SGCZ: variants seen among roughly 807,000 people sequenced by gnomAD.
SGCZ encodes zeta-sarcoglycan.
In SGCZ, 40 loss-of-function variants were observed where a neutral mutation model predicts 41.3. The observed-to-expected ratio is 0.97, with a 90% CI of 0.75 to 1.26. The LOEUF is 1.26. Ranked by LOEUF, SGCZ falls within the 50% of genes most tolerant of loss-of-function variation. The probability of loss-of-function intolerance (pLI) is 0.00; values close to 1 mark genes in which losing one functional copy is unlikely to be tolerated. For synonymous variants in SGCZ, 206 were observed against 137.5 expected (o/e 1.50, Z -3.49); for missense variants, 552 against 369.8 (o/e 1.49, Z -4.04).
intron 2 of SGCZ, among the ~76,000 whole-genome samples, chr8:14,551,635 T>C (rs1337543135): frequency 2.3e-5 from 2 of 86,312 alleles, no homozygotes; most frequent in African/African-American, 5.3e-5. Flanking sequence ...ATATATATTA[T>C]ATATATATAA....
chr8:14,580,270 T>A lies in SGCZ; in HGVS notation c.40-25344A>T, dbSNP rs138335291. Among the ~76,000 whole-genome samples, 6 of 152,320 alleles carry A rather than the reference T, an allele frequency of 3.9e-5. No individual in the cohort carries two copies. The East Asian group carries it at 1.2e-3, about 29-fold the overall frequency. On this transcript the variant is annotated intron_variant, in intron 1 of 7. Transcript: ENST00000382080. Reference sequence around the variant, plus strand: ...ATCTTAGCTATCACGATAATTTTGATTATCAGTGCTAAAATAAATTGTAGA... The same window carrying A: ...ATCTTAGCTATCACGATAATTTTGAATATCAGTGCTAAAATAAATTGTAGA...
chr8:14,470,029 C>G (rs993280142), intron 2 of SGCZ, among the ~76,000 whole-genome samples: 31 of 152,096 alleles, frequency 2.0e-4, no homozygotes, highest in Non-Finnish European at 4.4e-5. Flanking sequence ...CTGGGTTGGT[C>G]AGAAGTTCTA....
At chr8:15,144,350 G>A (rs1266107959) in intron 1 of SGCZ, among the ~76,000 whole-genome samples, 1 of 152,070 alleles carries the variant, frequency 6.6e-6, no homozygotes, top group Non-Finnish European at 1.5e-5. Context: ...TGTACCTCAG[G>A]TTGACCTATT....
At chr8:14,896,781 T>A (rs1805216224) in intron 1 of SGCZ, among the ~76,000 whole-genome samples, 1 of 146,246 alleles carries the variant, frequency 6.8e-6, no homozygotes. Context: ...CTGGCTGACT[T>A]TTTTTTTCTT....
At chr8:14,235,163 G>T (rs569490656) in intron 4 of SGCZ, among the ~76,000 whole-genome samples, 1 of 152,046 alleles carries the variant, frequency 6.6e-6, no homozygotes, top group Non-Finnish European at 1.5e-5. Context: ...TATTTCATTG[G>T]CACCCAACCA....
At chr8:14,431,851 AT>A (rs1303232067) in intron 2 of SGCZ, among the ~76,000 whole-genome samples, 1 of 152,162 alleles carries the variant, frequency 6.6e-6, no homozygotes, top group African/African-American at 2.4e-5. Context: ...AAACAATCCC[AT>A]CAAAAAGTGG....
At chr8:14,128,097 G>A (rs73217951) in intron 5 of SGCZ, among the ~76,000 whole-genome samples, 22,397 of 152,060 alleles carry the variant, frequency 0.15, 1,722 homozygotes, top group Middle Eastern at 0.22. Context: ...ACAGATTCTG[G>A]CGAGGTTGTG....
At chr8:14,473,324 C>T (rs1801264410) in intron 2 of SGCZ, among the ~76,000 whole-genome samples, 1 of 152,052 alleles carries the variant, frequency 6.6e-6, no homozygotes, top group South Asian at 2.1e-4. Flanking sequence ...ATAAGAAAAG[C>T]TTTCTCCTCC....
intron 1 of SGCZ, among the ~76,000 whole-genome samples, chr8:14,713,938 T>A (rs1274588880): frequency 2.0e-5 from 3 of 152,112 alleles, no homozygotes; most frequent in African/African-American, 7.2e-5. Flanking sequence ...GAGAGGTAAC[T>A]CCATTTTAAG....
chr8:14,427,041 T>C (rs1012038885), intron 2 of SGCZ, among the ~76,000 whole-genome samples: 1 of 140,124 alleles, frequency 7.1e-6, no homozygotes, highest in African/African-American at 2.5e-5. Context: ...AATGAATGAA[T>C]GAATGAATGA....
At chr8:14,628,394 G>C (rs1226231467) in intron 1 of SGCZ, among the ~76,000 whole-genome samples, 1 of 151,964 alleles carries the variant, frequency 6.6e-6, no homozygotes, top group Non-Finnish European at 1.5e-5. Context: ...GTTTCACCTA[G>C]ATGTCAGGAA....
intron 4 of SGCZ, among the ~76,000 whole-genome samples, chr8:14,222,566 A>G (rs1428178104): frequency 3.3e-5 from 5 of 152,038 alleles, no homozygotes; most frequent in African/African-American, 1.2e-4. Context: ...CTGACAGATT[A>G]TGTATTCTGG....
intron 4 of SGCZ, among the ~76,000 whole-genome samples, chr8:14,193,389 G>C (rs1171334278): frequency 3.3e-5 from 5 of 151,424 alleles, no homozygotes; most frequent in East Asian, 1.9e-4. Context: ...GAATGAGTGA[G>C]AGAATATATA....
At chr8:14,798,423 G>C (rs1416354562) in intron 1 of SGCZ, among the ~76,000 whole-genome samples, 1 of 151,974 alleles carries the variant, frequency 6.6e-6, no homozygotes, top group Non-Finnish European at 1.5e-5. Context: ...CCATTCTCTG[G>C]AAGTACACTG....
rs180725972 is a variant in SGCZ at position 14,504,945 on chromosome 8, G to A, written c.234+49787C>T. On this transcript the variant is annotated intron_variant, in intron 2 of 7. Transcript: ENST00000382080. ...TTACCAATGAAAGAAAATGTGTTAT[G>A]GCTATTTATAATGTCTGAACTGTCT... Among the ~76,000 whole-genome samples, 113 of 152,168 alleles carry A rather than the reference G, an allele frequency of 7.4e-4. 1 individual carries two copies. In the Middle Eastern group the frequency reaches 0.014, roughly 18 times the overall value.
At chr8:15,158,908 T>A (rs1469063225) in intron 1 of SGCZ, among the ~76,000 whole-genome samples, 1 of 152,178 alleles carries the variant, frequency 6.6e-6, no homozygotes, top group East Asian at 1.9e-4. Flanking sequence ...CAGTGCAGTA[T>A]TGTCAAATAT....
chr8:14,959,429 C>A (rs984680596), intron 1 of SGCZ, among the ~76,000 whole-genome samples: 2 of 151,932 alleles, frequency 1.3e-5, no homozygotes, highest in Non-Finnish European at 2.9e-5. Flanking sequence ...CATAGAGTAC[C>A]CTCCAAATTA....
chr8:14,237,506 A>C lies in SGCZ; in HGVS notation c.424+86T>G, dbSNP rs73667115. On this transcript the variant is annotated intron_variant, in intron 4 of 7. Coordinates refer to ENST00000382080, the MANE Select transcript of SGCZ (RefSeq NM_139167.4). ...TCAAAACAACAACAACAACAACAAC[A>C]ACGACAACAACAAGAACCAAAAACC... The C allele has an allele frequency of 8.5e-5, 94 of 1,102,068 alleles. No homozygotes were observed. The East Asian group carries it at 2.4e-3, about 28-fold the overall frequency. The allele number at this position is 1,102,068 out of a possible 1,614,324, so 68.3% of individuals were successfully genotyped here. A position where few individuals can be genotyped will look rare whatever the true frequency, so the allele number is the denominator to read the frequency against.
chr8:15,099,519 C>A (rs1443727004), intron 1 of SGCZ, among the ~76,000 whole-genome samples: 2 of 152,132 alleles, frequency 1.3e-5, no homozygotes, highest in Admixed American at 1.3e-4. Flanking sequence ...CTGGTGAAAT[C>A]TATGAAACAT....
Sources: gnomAD v4.1 joint callset for allele counts (sites outside exome capture counted in the v4.1 genomes callset) on GRCh38, gnomAD v4.1.1 for gene constraint, MANE v1.5 for transcripts, NCBI Gene and HGNC (gene_info 2026-07-23, HGNC 2026-07-21) for gene names.